IMPG1: variants seen among roughly 807,000 people sequenced by gnomAD.
The protein encoded by IMPG1 is interphotoreceptor matrix proteoglycan 1.
Under a neutral mutation model 92.0 loss-of-function variants are expected in IMPG1, and 85 were observed. The observed-to-expected ratio is 0.92, with a 90% CI of 0.78 to 1.11. IMPG1 has a LOEUF of 1.11. IMPG1 is among the 50% of genes least tolerant of loss of function. The pLI, the probability that IMPG1 is intolerant of heterozygous loss-of-function variation, is 0.00. For synonymous variants in IMPG1, 367 were observed against 334.1 expected (o/e 1.10, Z -1.08); for missense variants, 1,022 against 956.0 (o/e 1.07, Z -0.91).
Position 76,003,818 on chromosome 6 carries a change from G to A in IMPG1, c.1212+56C>T, listed in dbSNP as rs992706854. 3 of 1,256,710 alleles carry A rather than the reference G, an allele frequency of 2.4e-6. No homozygotes were observed. The East Asian group carries it at 7.1e-5, about 30-fold the overall frequency. The allele number at this position is 1,256,710 out of a possible 1,614,324, so 77.8% of individuals were successfully genotyped here. A position where few individuals can be genotyped will look rare whatever the true frequency, so the allele number is the denominator to read the frequency against. On this transcript the variant is annotated intron_variant, in intron 11 of 16. Coordinates refer to ENST00000369950, the MANE Select transcript of IMPG1 (RefSeq NM_001563.4). ...ATTTCTTAAGCTGATTTGTTCTTTG[G>A]TGGAAGGTTTTGAGACTTTGTTCCT... is the stretch of plus-strand genomic sequence containing the variant.
chr6:75,950,945 T>C lies in IMPG1; in HGVS notation c.1441A>G (p.Ile481Val). 1.9e-6 allele frequency: 3 copies of C among 1,614,000 alleles called. No individual in the cohort carries two copies. Among genetic ancestry groups the C allele is most frequent in the Non-Finnish European group, 2.5e-6 (3 of 1,179,954 alleles). Residue 481 changes from isoleucine (I) to valine (V), a missense_variant, in exon 13 of 17, where the codon ATC (isoleucine) becomes GTC (valine). Ile to Val is a conservative substitution (Grantham distance 29). Around this residue, in one of 3 missense-constraint regions of IMPG1, gnomAD observed 681 missense variants for 583.6 expected, o/e 1.17. Coordinates refer to ENST00000369950, the MANE Select transcript of IMPG1 (RefSeq NM_001563.4). ...DQTMLVPGLT[I>V]PTSDYSAISQ... is the part of the protein sequence containing the mutation. ...ATTGCAGAATAATCACTGGTGGGGA[T>C]GGTGAGCCCTGGTACTAGCATTGTC...
intron 1 of IMPG1, among the ~76,000 whole-genome samples, chr6:76,056,765 C>T (rs1042573399): frequency 7.2e-5 from 11 of 152,102 alleles, no homozygotes; most frequent in Admixed American, 4.6e-4. Flanking sequence ...GATTCACATT[C>T]CCGTGATGAT....
At chr6:75,977,296 A>G (rs1782554417) in intron 12 of IMPG1, among the ~76,000 whole-genome samples, 2 of 152,096 alleles carry the variant, frequency 1.3e-5, no homozygotes, top group Non-Finnish European at 2.9e-5. Context: ...TTGCTGCTAA[A>G]GACTTAAGCC....
At position 75,931,060 on chromosome 6, in the gene IMPG1, G is replaced by T. The variant is rs199559845; in HGVS notation, c.2136C>A (p.Cys712Ter). 1 of 1,614,148 alleles carries T rather than the reference G, an allele frequency of 6.2e-7. No individual in the cohort carries two copies. Among genetic ancestry groups the T allele is most frequent in the Non-Finnish European group, 8.5e-7 (1 of 1,180,032 alleles). Reference protein sequence around the residue: ...NERTEEAECRCKPGYDSQGSL... With the variant: ...NERTEEAECR The stretch of plus-strand genomic sequence containing the variant: ...TCCCCTGGCTGTCATATCCTGGTTT[G>T]CAGCGACACTCCGCTTCCTCAGTCC... The change falls in exon 15 of 17, where the codon TGC (cysteine) becomes TGA (stop). Residue 712 changes from cysteine (C) to a stop codon, truncating the protein, a stop_gained. Transcript: ENST00000369950. LOFTEE classifies it high-confidence loss of function.
chr6:75,943,669 G>GT (rs1781874197), intron 14 of IMPG1, among the ~76,000 whole-genome samples: 1 of 152,240 alleles, frequency 6.6e-6, no homozygotes, highest in Non-Finnish European at 1.5e-5. Context: ...CTGGACCTTA[G>GT]TGGCTGCAGC....
In IMPG1 at chr6:75,950,855, CT is replaced by C; in HGVS notation, c.1530del (p.Gly511ValfsTer9). The C allele has an allele frequency of 6.2e-7, 1 of 1,613,934 alleles. No homozygotes were observed. Among genetic ancestry groups the C allele is most frequent in the South Asian group, 1.1e-5 (1 of 91,068 alleles). On this transcript the variant is annotated frameshift_variant, in exon 13 of 17. Transcript: ENST00000369950. LOFTEE classifies it high-confidence loss of function. ...AGGTGTCTGACCATATCTTCGCCAC[CT>C]GCACTTGATCGGCTGTCATCTGAAG... ...PASSDDSRSS[A>X]GGEDMVRHLD...
At chr6:75,974,393 T>TTCTTTCCTTCCTTCCTTCCTTGCTTCC (rs1313714060) in intron 12 of IMPG1, among the ~76,000 whole-genome samples, 12 of 65,030 alleles carry the variant, frequency 1.8e-4, no homozygotes, top group African/African-American at 7.0e-4. Context: ...CTTTCTTTCT[T>TTCTTTCCTTCCTTCCTTCCTTGCTTCC]TTCTTTCTTT....
At chr6:76,058,038 G>A (rs1000892956) in intron 1 of IMPG1, among the ~76,000 whole-genome samples, 1 of 151,870 alleles carries the variant, frequency 6.6e-6, no homozygotes, top group African/African-American at 2.4e-5. Flanking sequence ...TGTTTGATTT[G>A]GTTTGGTTTC....
Position 76,003,011 on chromosome 6 carries a change from T to C in IMPG1, c.1213-15A>G, listed in dbSNP as rs1582097116. The stretch of plus-strand genomic sequence containing the variant: ...AAAGTAGCATCCTGAAGAATGAATT[T>C]TGCAAGACAGATGTTGAGAAAGGAT... On this transcript the variant is annotated splice_polypyrimidine_tract_variant and intron_variant, in intron 11 of 16. Transcript: ENST00000369950. 1 of 1,594,688 alleles carries C rather than the reference T, an allele frequency of 6.3e-7. No homozygotes were observed. Among genetic ancestry groups the C allele is most frequent in the African/African-American group, 1.3e-5 (1 of 74,614 alleles).
chr6:75,951,216 A>G, intron 12 of IMPG1, 122 bp from the exon 13 acceptor site: 2 of 716,982 alleles, frequency 2.8e-6, no homozygotes, highest in Non-Finnish European at 4.4e-6. Flanking sequence ...AGATCATTTC[A>G]ATAGTCATTT....
At chr6:75,970,440 A>C (rs1782392524) in intron 12 of IMPG1, among the ~76,000 whole-genome samples, 1 of 152,168 alleles carries the variant, frequency 6.6e-6, no homozygotes, top group South Asian at 2.1e-4. Flanking sequence ...TGAATCTGTG[A>C]AATCTTATTA....
chr6:76,005,153 C>A (rs1273111491), intron 10 of IMPG1, 134 bp downstream of exon 10: 2 of 833,842 alleles, frequency 2.4e-6, no homozygotes, highest in Non-Finnish European at 3.8e-6. Context: ...AGAAATGATA[C>A]CATATGTATT....
chr6:76,010,112 T>C (rs930478285), intron 8 of IMPG1, among the ~76,000 whole-genome samples: 12 of 152,378 alleles, frequency 7.9e-5, no homozygotes, highest in Middle Eastern at 6.8e-3. Context: ...TCTGGAGTTA[T>C]ACAAATCAGA....
At chr6:76,068,314 A>C (rs1431658074) in intron 1 of IMPG1, among the ~76,000 whole-genome samples, 1 of 152,172 alleles carries the variant, frequency 6.6e-6, no homozygotes, top group East Asian at 1.9e-4. Context: ...AAAGACTCCT[A>C]GATTTGACAG....
Position 75,967,366 on chromosome 6 carries a change from A to G in IMPG1, c.1292-16272T>C, listed in dbSNP as rs536653485. Among the ~76,000 whole-genome samples, 3 of 152,250 alleles carry G rather than the reference A, an allele frequency of 2.0e-5. No individual in the cohort carries two copies. In the South Asian group the frequency reaches 6.2e-4, roughly 32 times the overall value. On this transcript the variant is annotated intron_variant, in intron 12 of 16. Coordinates refer to ENST00000369950, the MANE Select transcript of IMPG1 (RefSeq NM_001563.4). ...TTGGTGGGTTGGGGGTGAGAAGGGC[A>G]TGATTAGGATTAGCATTCTTATAAA...
In IMPG1 at chr6:76,029,689, TGGAATAAATAG is replaced by T. The variant is rs1258193391; in HGVS notation, c.498-4442_498-4432del. ...TTATCCTGCAAATCCTGCCAGGTGA[TGGAATAAATAG>T]GGAATAAATAGGGTGCCCATCACCT... On this transcript the variant is annotated intron_variant, in intron 4 of 16. Transcript: ENST00000369950. 2.6e-5 allele frequency among the ~76,000 whole-genome samples: 4 copies of T among 152,218 alleles called. No homozygotes were observed. The South Asian group carries it at 6.2e-4, about 24-fold the overall frequency.
chr6:75,980,705 C>T (rs1782612479), intron 12 of IMPG1, among the ~76,000 whole-genome samples: 1 of 152,196 alleles, frequency 6.6e-6, no homozygotes, highest in Non-Finnish European at 1.5e-5. Flanking sequence ...AGACTGAAGG[C>T]TGAACTGTTG....
At chr6:76,038,828 C>T (rs946128) in intron 2 of IMPG1, among the ~76,000 whole-genome samples, 150,424 of 152,372 alleles carry the variant, frequency 0.99, 74,272 homozygotes, top group East Asian at 1. Context: ...TTTGATGATG[C>T]AGGAAGAACC....
chr6:75,999,966 C>G (rs1404804106), intron 12 of IMPG1, among the ~76,000 whole-genome samples: 1 of 152,168 alleles, frequency 6.6e-6, no homozygotes. Flanking sequence ...CCAGGGAGGG[C>G]CTTAAAGGAA....
Sources: gnomAD v4.1 joint callset for allele counts (sites outside exome capture counted in the v4.1 genomes callset) on GRCh38, gnomAD v4.1.1 for gene constraint, gnomAD v4.1.1 regional missense constraint, MANE v1.5 for transcripts, NCBI Gene and HGNC (gene_info 2026-07-23, HGNC 2026-07-21) for gene names.